FAM178B: variants seen among roughly 807,000 people sequenced by gnomAD.
FAM178B encodes the protein family with sequence similarity 178 member B.
A neutral mutation model predicts 91.7 loss-of-function variants in FAM178B; 82 were observed. The ratio of observed to expected loss-of-function variants is 0.89; its 90% CI spans 0.75 to 1.07. FAM178B has a LOEUF of 1.07. Ranked by LOEUF, FAM178B falls within the 50% of genes least tolerant of loss-of-function variation. The probability of loss-of-function intolerance (pLI) is 0.00; values close to 1 mark genes in which losing one functional copy is unlikely to be tolerated. For missense variants in FAM178B, 769 were observed against 846.7 expected (o/e 0.91, Z 1.14); for synonymous variants, 368 against 359.4 (o/e 1.02, Z -0.27).
At chr2:96,971,425 A>G (rs962174474) in intron 3 of FAM178B, among the ~76,000 whole-genome samples, 1 of 151,988 alleles carries the variant, frequency 6.6e-6, no homozygotes, top group Non-Finnish European at 1.5e-5. Flanking sequence ...CTCGATCCAC[A>G]GCCTGTAAAT....
At chr2:96,923,286 G>C (rs967158884) in intron 10 of FAM178B, among the ~76,000 whole-genome samples, 4 of 152,152 alleles carry the variant, frequency 2.6e-5, no homozygotes, top group African/African-American at 9.7e-5. Flanking sequence ...ATTCTTTCTT[G>C]TACAAGAACT....
intron 13 of FAM178B, chr2:96,895,290 C>T: frequency 2.7e-6 from 1 of 375,532 alleles, no homozygotes; most frequent in Non-Finnish European, 5.0e-6. Context: ...CATCCAACAC[C>T]TGTGTTCAGT....
intron 1 of FAM178B, among the ~76,000 whole-genome samples, chr2:96,978,180 C>T (rs2082317080): frequency 6.6e-6 from 1 of 152,134 alleles, no homozygotes; most frequent in Admixed American, 6.5e-5. Flanking sequence ...AGAATGGATT[C>T]TCAGAAAATT....
chr2:96,970,748 GAAGT>G lies in FAM178B; in HGVS notation c.590_593del (p.Tyr197SerfsTer87). On this transcript the variant is annotated frameshift_variant, in exon 4 of 17. Coordinates refer to ENST00000490605, the MANE Select transcript of FAM178B (RefSeq NM_001122646.3). LOFTEE classifies it high-confidence loss of function. ...CCTGCAGTAAGTAGTCCAGGTTGTT[GAAGT>G]AGCTTCCTGAGCCCCCCCAGGAAAA... 6.4e-7 allele frequency: 1 copy of G among 1,551,404 alleles called. No individual in the cohort carries two copies. The highest frequency in any genetic ancestry group is 8.7e-7 in the Non-Finnish European group (1 of 1,146,828).
Position 96,876,150 on chromosome 2 carries a change from T to C in FAM178B, c.*126A>G. 1.0e-6 allele frequency: 1 copy of C among 978,170 alleles called. No individual in the cohort carries two copies. The highest frequency in any genetic ancestry group is 1.5e-5 in the South Asian group (1 of 66,820). 60.6% of individuals were successfully genotyped at this position (978,170 alleles called of 1,614,324 possible). On this transcript the variant is annotated 3_prime_UTR_variant, in exon 17 of 17. Transcript: ENST00000490605. ...GGTCGGGGCGGTGGCAGGGGCAGGC[T>C]CTTGCCTCATCAGGCTGGTCAGCAT...
At chr2:96,898,353 G>A (rs920152167) in intron 13 of FAM178B, among the ~76,000 whole-genome samples, 1 of 152,168 alleles carries the variant, frequency 6.6e-6, no homozygotes, top group Non-Finnish European at 1.5e-5. Context: ...GTCAAGGGCA[G>A]GACTTTAATC....
At chr2:96,962,772 C>T (rs2082099276) in intron 5 of FAM178B, among the ~76,000 whole-genome samples, 1 of 152,214 alleles carries the variant, frequency 6.6e-6, no homozygotes, top group South Asian at 2.1e-4. Flanking sequence ...AGAGCATGCA[C>T]AGATGCTTGC....
At chr2:96,898,570 C>A (rs185645763) in intron 13 of FAM178B, among the ~76,000 whole-genome samples, 1 of 152,308 alleles carries the variant, frequency 6.6e-6, no homozygotes, top group Non-Finnish European at 1.5e-5. Flanking sequence ...GGGAGGATCA[C>A]CTGAGCCAGG....
At chr2:96,944,116 C>T (rs1250705039) in intron 8 of FAM178B, among the ~76,000 whole-genome samples, 1 of 151,882 alleles carries the variant, frequency 6.6e-6, no homozygotes, top group Non-Finnish European at 1.5e-5. Flanking sequence ...GGTAGCGGTG[C>T]CTGTAGTCCC....
chr2:96,892,916 C>T (rs1053915001), intron 14 of FAM178B, among the ~76,000 whole-genome samples: 1 of 152,210 alleles, frequency 6.6e-6, no homozygotes. Flanking sequence ...AGACAGCTCA[C>T]GCTCTCCTGG....
At chr2:96,968,967 T>C (rs2082182122) in intron 4 of FAM178B, among the ~76,000 whole-genome samples, 1 of 152,160 alleles carries the variant, frequency 6.6e-6, no homozygotes, top group South Asian at 2.1e-4. Context: ...CACCTTTACA[T>C]GTGCAGTCAT....
intron 6 of FAM178B, 82 bp from the exon 7 acceptor site, chr2:96,951,566 C>T: frequency 2.0e-6 from 2 of 994,556 alleles, no homozygotes; most frequent in Non-Finnish European, 3.1e-6. Flanking sequence ...GCTGTCACTA[C>T]CCAGCTTCAC....
At position 96,876,192 on chromosome 2, in the gene FAM178B, T is replaced by C. The variant is rs2080236924; in HGVS notation, c.*84A>G. On this transcript the variant is annotated 3_prime_UTR_variant, in exon 17 of 17. Coordinates refer to ENST00000490605, the MANE Select transcript of FAM178B (RefSeq NM_001122646.3). The stretch of plus-strand genomic sequence containing the variant: ...GGTCAGCATGTGGCCTCCTCTGGCC[T>C]TGATGCTTCGCTTCCTCCAGTTCCC... 6.9e-7 allele frequency: 1 copy of C among 1,452,286 alleles called. No individual in the cohort carries two copies. Among genetic ancestry groups the C allele is most frequent in the South Asian group, 1.2e-5 (1 of 82,346 alleles). 90.0% of individuals were successfully genotyped at this position (1,452,286 alleles called of 1,614,324 possible). A position where few individuals can be genotyped will look rare whatever the true frequency, so the allele number is the denominator to read the frequency against.
intron 12 of FAM178B, among the ~76,000 whole-genome samples, chr2:96,906,136 A>G (rs62152904): frequency 0.18 from 26,330 of 148,760 alleles, 2,872 homozygotes; most frequent in African/African-American, 0.31. Context: ...TGCCCACCTC[A>G]GCCTCCCAAA....
chr2:96,914,228 C>G (rs1412065882), intron 12 of FAM178B, among the ~76,000 whole-genome samples: 1 of 152,140 alleles, frequency 6.6e-6, no homozygotes, highest in Non-Finnish European at 1.5e-5. Flanking sequence ...GGAGGTTGTG[C>G]AGAGCCCTGA....
At chr2:96,897,482 A>G (rs530575293) in intron 13 of FAM178B, among the ~76,000 whole-genome samples, 12 of 152,206 alleles carry the variant, frequency 7.9e-5, no homozygotes, top group Non-Finnish European at 1.6e-4. Context: ...GAAGTGCCCC[A>G]GGATAAGAAG....
At chr2:96,915,805 G>GA (rs202238347) in intron 12 of FAM178B, among the ~76,000 whole-genome samples, 3,500 of 134,798 alleles carry the variant, frequency 0.026, 49 homozygotes, top group Middle Eastern at 0.041. Flanking sequence ...GACAGAGTGG[G>GA]AAAAAAAAAA....
intron 14 of FAM178B, among the ~76,000 whole-genome samples, chr2:96,887,790 A>G (rs1397204183): frequency 1.3e-5 from 2 of 150,344 alleles, no homozygotes; most frequent in Admixed American, 6.6e-5. Context: ...ACCCAGGTAG[A>G]GTGTTAGGTT....
At chr2:96,941,314 T>C (rs988867683) in intron 8 of FAM178B, among the ~76,000 whole-genome samples, 1 of 152,200 alleles carries the variant, frequency 6.6e-6, no homozygotes, top group Non-Finnish European at 1.5e-5. Flanking sequence ...GGTGGTAAGA[T>C]TGCTGGCCAT....
Sources: allele counts gnomAD v4.1 joint callset (sites outside exome capture counted in the v4.1 genomes callset), GRCh38; gene constraint gnomAD v4.1.1; transcripts MANE v1.5; gene names NCBI Gene and HGNC (gene_info 2026-07-23, HGNC 2026-07-21).